The following INPP5A variants were observed in gnomAD, a reference collection of about 807,000 sequenced individuals.
The protein encoded by INPP5A is inositol polyphosphate-5-phosphatase A.
In INPP5A, 14 loss-of-function variants were observed where a neutral mutation model predicts 65.2. That is an observed-to-expected ratio of 0.21 (90% CI 0.14 to 0.34). The LOEUF is 0.34. INPP5A is among the 10% of genes least tolerant of loss of function. The pLI is 1.00. For missense variants in INPP5A, 431 were observed against 545.6 expected (o/e 0.79, Z 2.09); for synonymous variants, 207 against 208.3 (o/e 0.99, Z 0.05).
At chr10:132,770,619 C>T (rs1440209744) in intron 12 of INPP5A, among the ~76,000 whole-genome samples, 3 of 152,252 alleles carry the variant, frequency 2.0e-5, no homozygotes, top group Non-Finnish European at 4.4e-5. Flanking sequence ...TACTGAGGAC[C>T]CTGGAGCTTT....
chr10:132,612,960 C>CT (rs2071979640), intron 2 of INPP5A, among the ~76,000 whole-genome samples: 1 of 152,090 alleles, frequency 6.6e-6, no homozygotes, highest in Non-Finnish European at 1.5e-5. Context: ...GTCTCTGCAG[C>CT]CTGTTCAGTG....
chr10:132,556,744 T>A (rs1229870648), intron 1 of INPP5A, among the ~76,000 whole-genome samples: 2 of 152,174 alleles, frequency 1.3e-5, no homozygotes, highest in Non-Finnish European at 2.9e-5. Flanking sequence ...TTAATTTGCA[T>A]TGCCTTGGTT....
rs907611385 is a variant in INPP5A at position 132,762,843 on chromosome 10, A to G, written c.904-2930A>G. Reference sequence around the variant, plus strand: ...CCGTCTCTACAAAAAATAAAGACTTAGCAGGAGTGGTGGCACACGCCTGTA... The same window carrying G: ...CCGTCTCTACAAAAAATAAAGACTTGGCAGGAGTGGTGGCACACGCCTGTA... On this transcript the variant is annotated intron_variant, in intron 11 of 15. Transcript: ENST00000368594. The surrounding 1 kb of genome is among the most constrained non-coding windows in gnomAD (Gnocchi z 4.6). Among the ~76,000 whole-genome samples the G allele has an allele frequency of 6.6e-6, 1 of 152,092 alleles. No individual in the cohort carries two copies. The highest frequency in any genetic ancestry group is 1.5e-5 in the Non-Finnish European group (1 of 68,004).
intron 1 of INPP5A, among the ~76,000 whole-genome samples, chr10:132,576,346 CG>C (rs1564921762): frequency 3.9e-5 from 6 of 152,220 alleles, no homozygotes. Flanking sequence ...GTTCAGAATG[CG>C]GGCTTGGACA....
Position 132,781,947 on chromosome 10 carries a change from T to G in INPP5A, c.*6T>G. 6.2e-7 allele frequency: 1 copy of G among 1,613,442 alleles called. No individual in the cohort carries two copies. Among genetic ancestry groups the G allele is most frequent in the Middle Eastern group, 1.6e-4 (1 of 6,062 alleles). On this transcript the variant is annotated splice_region_variant and 3_prime_UTR_variant, in exon 15 of 16. Transcript: ENST00000368594. ...AGTGTTGTGTCGTGCAGTGACGTGG[T>G]GGTAAATATGACTCCTCCCTCCAGT...
chr10:132,768,233 C>T (rs1846887110), intron 12 of INPP5A, among the ~76,000 whole-genome samples: 1 of 149,336 alleles, frequency 6.7e-6, no homozygotes. Context: ...CCCCGACCCT[C>T]AGCGTTCCCA....
In INPP5A at chr10:132,727,952, C is replaced by T. The variant is rs185768321; in HGVS notation, c.732+1047C>T. ...TAGTCTCCAGTTCCAAACACCCACACGTATTCATCTTCCAACGGTGGCAGG... is the reference window on the plus strand; with the variant it reads ...TAGTCTCCAGTTCCAAACACCCACATGTATTCATCTTCCAACGGTGGCAGG... On this transcript the variant is annotated intron_variant, in intron 9 of 15. Transcript: ENST00000368594. This position sits in a 1 kb window ranked among gnomAD's most constrained non-coding sequence, Gnocchi z 6.5. Among the ~76,000 whole-genome samples the T allele has an allele frequency of 3.6e-4, 55 of 152,300 alleles. 1 individual carries two copies. The highest frequency in any genetic ancestry group is 3.3e-3 in the Admixed American group (50 of 15,304).
intron 9 of INPP5A, among the ~76,000 whole-genome samples, chr10:132,730,429 G>A (rs1846063972): frequency 6.6e-6 from 1 of 152,236 alleles, no homozygotes; most frequent in Non-Finnish European, 1.5e-5. Flanking sequence ...GGCGCCATCT[G>A]CTGCAGGACA....
At position 132,644,046 on chromosome 10, in the gene INPP5A, ACT is replaced by A. The variant is rs1261118141; in HGVS notation, c.118-1820_118-1819del. The stretch of plus-strand genomic sequence containing the variant: ...CAGCTGGAACCAGACCACCGGAAAC[ACT>A]CAGACCACCGGCACCAAGGGTTGTC... On this transcript the variant is annotated intron_variant, in intron 2 of 15. Transcript: ENST00000368594. This position sits in a 1 kb window ranked among gnomAD's most constrained non-coding sequence, Gnocchi z 6.5. 6.6e-6 allele frequency among the ~76,000 whole-genome samples: 1 copy of A among 152,150 alleles called. No individual in the cohort carries two copies. The highest frequency in any genetic ancestry group is 1.9e-4 in the East Asian group (1 of 5,168).
At chr10:132,769,983 T>C (rs1184198948) in intron 12 of INPP5A, among the ~76,000 whole-genome samples, 5 of 152,230 alleles carry the variant, frequency 3.3e-5, no homozygotes, top group Non-Finnish European at 7.3e-5. Flanking sequence ...GATAAAGAGA[T>C]TTAAGATGGC....
Position 132,706,892 on chromosome 10 carries a change from G to T in INPP5A, c.475-1421G>T, listed in dbSNP as rs750687305. ...GCCAGGTGCCGCCAACAGGCCAGGC[G>T]AGATGAAGGGCGAGTGTCTGTAGGA... On this transcript the variant is annotated intron_variant, in intron 6 of 15. Transcript: ENST00000368594. This position sits in a 1 kb window ranked among gnomAD's most constrained non-coding sequence, Gnocchi z 4.7. Among the ~76,000 whole-genome samples, 1 of 152,218 alleles carries T rather than the reference G, an allele frequency of 6.6e-6. No homozygotes were observed. Among genetic ancestry groups the T allele is most frequent in the African/African-American group, 2.4e-5 (1 of 41,456 alleles).
chr10:132,743,607 C>G (rs1490554058), intron 9 of INPP5A, among the ~76,000 whole-genome samples: 1 of 152,248 alleles, frequency 6.6e-6, no homozygotes, highest in Admixed American at 6.5e-5. Flanking sequence ...CAGTTTGCTT[C>G]CGAATCAGCA....
In INPP5A at chr10:132,545,533, C is replaced by T. The variant is rs1271005288; in HGVS notation, c.75+7362C>T. Among the ~76,000 whole-genome samples, 2 of 152,206 alleles carry T rather than the reference C, an allele frequency of 1.3e-5. No individual in the cohort carries two copies. Among genetic ancestry groups the T allele is most frequent in the African/African-American group, 4.8e-5 (2 of 41,454 alleles). On this transcript the variant is annotated intron_variant, in intron 1 of 15. Coordinates refer to ENST00000368594, the MANE Select transcript of INPP5A (RefSeq NM_005539.5). The surrounding 1 kb of genome is among the most constrained non-coding windows in gnomAD (Gnocchi z 4.6). Reference sequence around the variant, plus strand: ...CCCCACTGCCCCTGCCGGGGTGTTCCCGCTGTCTCCTGGGCGGGTCCTTCT... The same window carrying T: ...CCCCACTGCCCCTGCCGGGGTGTTCTCGCTGTCTCCTGGGCGGGTCCTTCT...
intron 1 of INPP5A, among the ~76,000 whole-genome samples, chr10:132,557,883 G>A (rs1392653577): frequency 2.0e-5 from 3 of 152,120 alleles, no homozygotes; most frequent in South Asian, 2.1e-4. Flanking sequence ...CGGGAGTGAC[G>A]CCAGGCTGGA....
chr10:132,615,511 G>C lies in INPP5A; in HGVS notation c.117+7555G>C, dbSNP rs145997513. On this transcript the variant is annotated intron_variant, in intron 2 of 15. Coordinates refer to ENST00000368594, the MANE Select transcript of INPP5A (RefSeq NM_005539.5). The stretch of plus-strand genomic sequence containing the variant: ...GTTGGAGGAAGTGGCTGCTGGGTGC[G>C]GGGAGGCTCCTGAACTCTCGGAACC... Among the ~76,000 whole-genome samples, 117 of 152,352 alleles carry C rather than the reference G, an allele frequency of 7.7e-4. 1 individual carries two copies. The East Asian group carries it at 0.021, about 28-fold the overall frequency.
At chr10:132,601,566 T>A (rs2071778148) in intron 1 of INPP5A, among the ~76,000 whole-genome samples, 1 of 152,244 alleles carries the variant, frequency 6.6e-6, no homozygotes, top group Non-Finnish European at 1.5e-5. Flanking sequence ...TAAGAAGTCA[T>A]TGTCAAATCC....
intron 2 of INPP5A, among the ~76,000 whole-genome samples, chr10:132,611,651 T>G (rs1272648301): frequency 8.1e-4 from 23 of 28,442 alleles, no homozygotes; most frequent in Admixed American, 1.2e-3. Context: ...GGAGGTGAGG[T>G]GGGCAGGGGA....
intron 1 of INPP5A, among the ~76,000 whole-genome samples, chr10:132,565,475 C>A (rs1163980386): frequency 2.0e-5 from 3 of 152,222 alleles, no homozygotes; most frequent in Admixed American, 6.5e-5. Flanking sequence ...GACAGTGGAA[C>A]AGATCCAGGC....
intron 4 of INPP5A, among the ~76,000 whole-genome samples, chr10:132,656,742 C>T (rs1430994159): frequency 6.6e-6 from 1 of 152,240 alleles, no homozygotes; most frequent in Non-Finnish European, 1.5e-5. Context: ...GAGGATTTTT[C>T]ACATGCAGCA....
Sources: gnomAD v4.1 joint callset for allele counts (sites outside exome capture counted in the v4.1 genomes callset) on GRCh38, gnomAD v4.1.1 for gene constraint, Gnocchi (gnomAD v3.1) non-coding constraint, MANE v1.5 for transcripts, NCBI Gene and HGNC (gene_info 2026-07-23, HGNC 2026-07-21) for gene names.